The following PCDHA11 variants were observed in gnomAD, a reference collection of about 807,000 sequenced individuals.
The protein encoded by PCDHA11 is protocadherin alpha 11.
Under a neutral mutation model 70.3 loss-of-function variants are expected in PCDHA11, and 61 were observed. The ratio of observed to expected loss-of-function variants is 0.87; its 90% CI spans 0.71 to 1.07. PCDHA11 has a LOEUF of 1.07. Ranked by LOEUF, PCDHA11 falls within the 50% of genes least tolerant of loss-of-function variation. The pLI is 0.00. For missense variants in PCDHA11, 1,324 were observed against 1,237.5 expected, an observed-to-expected ratio of 1.07 and a Z score of -1.05; for synonymous variants, 633 against 555.1, an observed-to-expected ratio of 1.14 and a Z score of -1.97.
At chr5:140,962,947 A>T (rs2153733915) in intron 1 of PCDHA11, among the ~76,000 whole-genome samples, 2 of 152,320 alleles carry the variant, frequency 1.3e-5, no homozygotes, top group Admixed American at 1.3e-4. Context: ...TCCATAAGAT[A>T]TGCTCTATCC....
chr5:140,968,293 G>A, intron 1 of PCDHA11: 1 of 1,613,962 alleles, frequency 6.2e-7, no homozygotes, highest in South Asian at 1.1e-5. Flanking sequence ...ACTCCCTTCT[G>A]GAGAGGGAGA....
chr5:140,985,792 T>G (rs1043772430), intron 3 of PCDHA11, among the ~76,000 whole-genome samples: 1 of 142,326 alleles, frequency 7.0e-6, no homozygotes. Flanking sequence ...CAGGCTGGAG[T>G]GCAGTGGCAC....
intron 1 of PCDHA11, chr5:140,966,927 C>T (rs1434590204): frequency 1.2e-6 from 2 of 1,603,398 alleles, no homozygotes; most frequent in Admixed American, 1.7e-5. Flanking sequence ...GAGCAGGCAC[C>T]CGGCGCGCTC....
At chr5:140,989,101 A>G (rs1293454775) in intron 3 of PCDHA11, 1 of 152,216 alleles carries the variant, frequency 6.6e-6, no homozygotes, top group African/African-American at 2.4e-5. Flanking sequence ...AGGAGAAACA[A>G]CTTTTGAATA....
intron 1 of PCDHA11, among the ~76,000 whole-genome samples, chr5:140,941,026 C>T (rs1330663914): frequency 6.6e-6 from 1 of 152,066 alleles, no homozygotes; most frequent in Admixed American, 6.5e-5. Flanking sequence ...TTCCTTCTGG[C>T]CTTTTTGGTG....
intron 1 of PCDHA11, among the ~76,000 whole-genome samples, chr5:140,941,216 T>TTTCTTTCTTTCTTTCTTTC (rs2092891567): frequency 8.0e-6 from 1 of 124,950 alleles, no homozygotes; most frequent in East Asian, 2.2e-4. Context: ...TCTTTCTTCC[T>TTTCTTTCTTTCTTTCTTTC]TTCTTTCTTT....
Position 140,944,942 on chromosome 5 carries a change from T to C in PCDHA11, c.2392-34007T>C, listed in dbSNP as rs564740183. Among the ~76,000 whole-genome samples the C allele has an allele frequency of 2.0e-4, 31 of 152,326 alleles. No individual in the cohort carries two copies. The South Asian group carries it at 3.7e-3, about 18-fold the overall frequency. On this transcript the variant is annotated intron_variant, in intron 1 of 3. Coordinates refer to ENST00000398640, the MANE Select transcript of PCDHA11 (RefSeq NM_018902.5). ...ATTGGTTTATGCCTTCTTTAGATGATTGTGAATAAGAGTATTATCTTAACC... is the reference window on the plus strand; with the variant it reads ...ATTGGTTTATGCCTTCTTTAGATGACTGTGAATAAGAGTATTATCTTAACC...
chr5:141,000,780 A>G (rs2097963386), intron 3 of PCDHA11, among the ~76,000 whole-genome samples: 1 of 151,780 alleles, frequency 6.6e-6, no homozygotes, highest in Admixed American at 6.6e-5. Context: ...AGTGGCGCAC[A>G]CCTGTATTCC....
rs1554163287 is a variant in PCDHA11, at chr5:140,869,609, C to T, written c.506C>T (p.Thr169Ile). ...DADIEENALL[T>I]YRLSKNEYFS... ...GACATTGAAGAGAATGCTCTATTGA[C>T]CTACAGGCTAAGTAAAAATGAGTAT... The change falls in exon 1 of 4, where the codon ACC becomes ATC. Residue 169 changes from threonine to isoleucine, a missense_variant. Coordinates refer to ENST00000398640, the MANE Select transcript of PCDHA11 (RefSeq NM_018902.5). 1 of 1,613,972 alleles carries T rather than the reference C, an allele frequency of 6.2e-7. No homozygotes were observed. Among genetic ancestry groups the T allele is most frequent in the Non-Finnish European group, 8.5e-7 (1 of 1,179,944 alleles).
In PCDHA11 at chr5:140,884,521, G is replaced by A. The variant is rs569278761; in HGVS notation, c.2391+13027G>A. On this transcript the variant is annotated intron_variant, in intron 1 of 3. Transcript: ENST00000398640. ...GCGCGGCAGGGAGTTGGTCGTACTCGCAGCAGAGGCGGCCGAGGGTGTGCT... is the reference window on the plus strand; with the variant it reads ...GCGCGGCAGGGAGTTGGTCGTACTCACAGCAGAGGCGGCCGAGGGTGTGCT... 8.1e-6 allele frequency: 13 copies of A among 1,614,196 alleles called. No homozygotes were observed. In the East Asian group the frequency reaches 2.0e-4, roughly 25 times the overall value.
At chr5:140,931,444 A>T (rs2087532526) in intron 1 of PCDHA11, among the ~76,000 whole-genome samples, 1 of 135,860 alleles carries the variant, frequency 7.4e-6, no homozygotes, top group Non-Finnish European at 1.6e-5. Context: ...TTAGCTATTT[A>T]AAAGGAAAAA....
intron 1 of PCDHA11, chr5:140,884,083 G>C (rs538322622): frequency 1.2e-6 from 2 of 1,613,596 alleles, no homozygotes; most frequent in South Asian, 1.1e-5. Context: ...GCTACAATGC[G>C]TGGCTTTCGT....
intron 1 of PCDHA11, among the ~76,000 whole-genome samples, chr5:140,947,396 A>G (rs113635864): frequency 6.6e-6 from 1 of 151,710 alleles, no homozygotes; most frequent in Non-Finnish European, 1.5e-5. Flanking sequence ...CACTAAAAGT[A>G]GACTGTCTTG....
chr5:140,971,487 C>G (rs1285006281), intron 1 of PCDHA11, among the ~76,000 whole-genome samples: 1 of 152,110 alleles, frequency 6.6e-6, no homozygotes, highest in African/African-American at 2.4e-5. Flanking sequence ...CACATTGTTA[C>G]AGTGTGGCAA....
At chr5:140,967,428 C>T (rs782709354) in intron 1 of PCDHA11, 2 of 1,613,402 alleles carry the variant, frequency 1.2e-6, no homozygotes, top group East Asian at 4.5e-5. Context: ...GAGCAGGCAG[C>T]CTTGCACCAC....
chr5:140,882,153 A>C (rs1197738298), intron 1 of PCDHA11: 8 of 1,505,202 alleles, frequency 5.3e-6, no homozygotes, highest in Non-Finnish European at 7.1e-6. Flanking sequence ...CAGAAAGCGG[A>C]ATACCTCTTG....
intron 1 of PCDHA11, among the ~76,000 whole-genome samples, chr5:140,977,965 C>T (rs782117847): frequency 3.3e-5 from 5 of 152,150 alleles, no homozygotes; most frequent in Non-Finnish European, 5.9e-5. Context: ...CCTCAATCTC[C>T]GCCCATGAAA....
In PCDHA11 at chr5:140,871,089, C is replaced by T; in HGVS notation, c.1986C>T (p.Ala662=). ...DHGEPALTAT[A]TVLVSLVESG... is the part of the protein sequence containing the mutation. ...GTGAGCCGGCGCTGACGGCCACGGC[C>T]ACCGTGCTGGTGTCGTTGGTGGAGA... is the stretch of plus-strand genomic sequence containing the variant. Residue 662 remains alanine (A), a synonymous_variant, in exon 1 of 4, where the codon GCC becomes GCT. Coordinates refer to ENST00000398640, the MANE Select transcript of PCDHA11 (RefSeq NM_018902.5). 1 of 1,613,254 alleles carries T rather than the reference C, an allele frequency of 6.2e-7. No individual in the cohort carries two copies. The highest frequency in any genetic ancestry group is 8.5e-7 in the Non-Finnish European group (1 of 1,179,854).
chr5:140,928,852 G>T, intron 1 of PCDHA11: 1 of 1,614,172 alleles, frequency 6.2e-7, no homozygotes, highest in Non-Finnish European at 8.5e-7. Flanking sequence ...CACTCTGGGT[G>T]TGCTGTTGAG....
Sources: gnomAD v4.1 joint callset for allele counts (sites outside exome capture counted in the v4.1 genomes callset) on GRCh38, gnomAD v4.1.1 for gene constraint, MANE v1.5 for transcripts, NCBI Gene and HGNC (gene_info 2026-07-23, HGNC 2026-07-21) for gene names.